Variants in ANO8 observed in about 807,000 individuals in gnomAD.
ANO8 encodes the protein anoctamin-8.
Under a neutral mutation model 120.4 loss-of-function variants are expected in ANO8, and 67 were observed. That is an observed-to-expected ratio of 0.56 (90% confidence interval 0.46 to 0.68). ANO8 has a LOEUF of 0.68. Among genes scored for constraint, ANO8 ranks in the 30% least tolerant of loss-of-function variants. The probability of loss-of-function intolerance (pLI) is 0.00; values close to 1 mark genes in which losing one functional copy is unlikely to be tolerated. For synonymous variants in ANO8, 727 were observed against 759.2 expected (o/e 0.96, Z 0.70); for missense variants, 1,526 against 1,737.6 (o/e 0.88, Z 2.16).
Position 17,333,214 on chromosome 19 carries a change from C to G in ANO8, c.376G>C (p.Gly126Arg), listed in dbSNP as rs776794230. ...TCGGCCTTCACTGCTTTGCGCAGAC[C>G]CAGCTCGTCGGCCCCTCGGAGTAGG... ...ESLLRGADEL[G>R]LRKAVKAEFG... Residue 126 changes from glycine (G) to arginine (R), a missense_variant, in exon 4 of 18, where the codon GGT becomes CGT. Gly to Arg is a moderately radical substitution (Grantham distance 125, BLOSUM62 -2). Coordinates refer to ENST00000159087, the MANE Select transcript of ANO8 (RefSeq NM_020959.3). This position sits in a 1 kb window ranked among gnomAD's most constrained non-coding sequence, Gnocchi z 7.2. The G allele has an allele frequency of 6.2e-7, 1 of 1,610,452 alleles. No individual in the cohort carries two copies. The highest frequency in any genetic ancestry group is 8.5e-7 in the Non-Finnish European group (1 of 1,178,190).
At chr19:17,324,069 G>GC (rs141177603) in intron 17 of ANO8, among the ~76,000 whole-genome samples, 185 bp from the exon 18 acceptor site, 152,256 of 152,272 alleles carry the variant, frequency 1, 76,120 homozygotes, top group Middle Eastern at 1. Flanking sequence ...TCTGGGCACG[G>GC]CCCTGCCGGT....
At position 17,328,838 on chromosome 19, in the gene ANO8, C is replaced by T; in HGVS notation, c.1550G>A (p.Ser517Asn). 2.0e-6 allele frequency: 3 copies of T among 1,472,642 alleles called. No homozygotes were observed. The highest frequency in any genetic ancestry group is 2.7e-6 in the Non-Finnish European group (3 of 1,117,144). 91.2% of individuals were successfully genotyped at this position (1,472,642 alleles called of 1,614,324 possible). A position where few individuals can be genotyped will look rare whatever the true frequency, so the allele number is the denominator to read the frequency against. Residue 517 changes from serine to asparagine, a missense_variant, in exon 13 of 18, where the codon AGC becomes AAC. Physicochemically the swap from Ser to Asn is conservative, Grantham distance 46 (BLOSUM62 1). Around this residue, in one of 8 missense-constraint regions of ANO8, gnomAD observed 467 missense variants for 425.8 expected, o/e 1.10. Transcript: ENST00000159087. Reference sequence around the variant, plus strand: ...GCGGCGGGGCGCAGGGCGCCGGAGGCTCAGGAGGCCAAGCAGGGCTCGGGC... The same window carrying T: ...GCGGCGGGGCGCAGGGCGCCGGAGGTTCAGGAGGCCAAGCAGGGCTCGGGC... ...ELARALLGLL[S>N]LRRPAPRRLE...
chr19:17,330,794 G>T, intron 8 of ANO8, 34 bp downstream of exon 8: 3 of 1,594,746 alleles, frequency 1.9e-6, no homozygotes, highest in Non-Finnish European at 8.5e-7. Flanking sequence ...CCTTTGTCCT[G>T]TCTCCATGAC....
intron 12 of ANO8, 119 bp downstream of exon 12, chr19:17,329,637 AG>A: frequency 1.4e-6 from 1 of 717,174 alleles, no homozygotes; most frequent in East Asian, 2.7e-5. Context: ...GACAGACAGG[AG>A]AGAAGGATGG....
In ANO8 at chr19:17,334,574, C is replaced by A; in HGVS notation, c.97G>T (p.Gly33Ter). Residue 33 changes from glycine (G) to a stop codon, truncating the protein, a stop_gained, in exon 1 of 18, where the codon GGA becomes TGA. Transcript: ENST00000159087. LOFTEE classifies it high-confidence loss of function. ...PEGEPAAPAS[G>*]VLDKLFGKRL... is the part of the protein sequence containing the mutation. ...GCCGCCGCACACATACCCAGAACTC[C>A]GGACGCCGGGGCTGCAGGCTCGCCC... 1 of 1,553,024 alleles carries A rather than the reference C, an allele frequency of 6.4e-7. No individual in the cohort carries two copies. The highest frequency in any genetic ancestry group is 8.6e-7 in the Non-Finnish European group (1 of 1,157,446).
rs1690905248 is a variant in ANO8 at position 17,328,436 on chromosome 19, G to A, written c.1952C>T (p.Pro651Leu). 1.9e-6 allele frequency: 3 copies of A among 1,565,100 alleles called. No individual in the cohort carries two copies. Among genetic ancestry groups the A allele is most frequent in the Non-Finnish European group, 2.6e-6 (3 of 1,160,474 alleles). Reference protein sequence around the residue: ...SPTMVEKGLEPGVFTLAEEDD... With the variant: ...SPTMVEKGLELGVFTLAEEDD... ...CTCCTCGGCCAGGGTGAACACTCCC[G>A]GCTCCAGCCCCTTCTCCACCATAGT... Residue 651 changes from proline (P) to leucine (L), a missense_variant, in exon 13 of 18, where the codon CCG becomes CTG. By Grantham distance (98) the Pro-to-Leu change is moderately conservative (BLOSUM62 -3). Transcript: ENST00000159087.
chr19:17,323,406 G>T lies in ANO8; in HGVS notation c.*111C>A. ...AGGAAAACGGCAGATGGGGGGCACCGACCAATACTGGGGGCCCTCGGGGGC... is the reference window on the plus strand; with the variant it reads ...AGGAAAACGGCAGATGGGGGGCACCTACCAATACTGGGGGCCCTCGGGGGC... On this transcript the variant is annotated 3_prime_UTR_variant, in exon 18 of 18. Coordinates refer to ENST00000159087, the MANE Select transcript of ANO8 (RefSeq NM_020959.3). 8.8e-7 allele frequency: 1 copy of T among 1,142,522 alleles called. No homozygotes were observed. The highest frequency in any genetic ancestry group is 1.1e-6 in the Non-Finnish European group (1 of 889,126). 70.8% of individuals were successfully genotyped at this position (1,142,522 alleles called of 1,614,324 possible). A position where few individuals can be genotyped will look rare whatever the true frequency, so the allele number is the denominator to read the frequency against.
At position 17,333,065 on chromosome 19, in the gene ANO8, C is replaced by A. The variant is rs1199187873; in HGVS notation, c.489+36G>T. ...GGCGTGAGCTCAGGGAACTCATAGGCACAGGATGCATGCGGGGGCCCAGAG... is the reference window on the plus strand; with the variant it reads ...GGCGTGAGCTCAGGGAACTCATAGGAACAGGATGCATGCGGGGGCCCAGAG... On this transcript the variant is annotated intron_variant, in intron 4 of 17. Coordinates refer to ENST00000159087, the MANE Select transcript of ANO8 (RefSeq NM_020959.3). This position sits in a 1 kb window ranked among gnomAD's most constrained non-coding sequence, Gnocchi z 7.2. 4.3e-6 allele frequency: 7 copies of A among 1,613,838 alleles called. No homozygotes were observed. The highest frequency in any genetic ancestry group is 1.7e-5 in the Admixed American group (1 of 60,006).
intron 12 of ANO8, 120 bp from the exon 13 acceptor site, chr19:17,329,103 G>T (rs1446557918): frequency 1.6e-5 from 12 of 760,938 alleles, no homozygotes; most frequent in Admixed American, 4.0e-5. Flanking sequence ...CGCCGAATCC[G>T]GTTCCTAACT....
Position 17,331,298 on chromosome 19 carries a change from G to A in ANO8, c.700C>T (p.Leu234=), listed in dbSNP as rs926458863. ...WVQAVCENQP[L]DDICDYFGVK... is the part of the protein sequence containing the mutation. ...CACCCCCCAGCCCAGGCAGCACCTA[G>A]AGGCTGGTTTTCACACACGGCCTGC... The change falls in exon 6 of 18, where the codon CTA becomes TTA. Residue 234 remains leucine (L), a synonymous_variant. Coordinates refer to ENST00000159087, the MANE Select transcript of ANO8 (RefSeq NM_020959.3). The A allele has an allele frequency of 1.4e-5, 22 of 1,614,034 alleles. No individual in the cohort carries two copies. The highest frequency in any genetic ancestry group is 1.9e-5 in the Non-Finnish European group (22 of 1,180,038).
At position 17,329,204 on chromosome 19, in the gene ANO8, G is replaced by A. The variant is rs775852313; in HGVS notation, c.1405-221C>T. 52 of 471,978 alleles carry A rather than the reference G, an allele frequency of 1.1e-4. No homozygotes were observed. In the East Asian group the frequency reaches 1.8e-3, roughly 16 times the overall value. The allele number at this position is 471,978 out of a possible 1,614,324, so 29.2% of individuals were successfully genotyped here. On this transcript the variant is annotated intron_variant, in intron 12 of 17. Coordinates refer to ENST00000159087, the MANE Select transcript of ANO8 (RefSeq NM_020959.3). ...GCGCAGCGCTCCTCGCCCACCTCAC[G>A]GGCAGGCCCAGCGCGTCTCCACCCC... is the stretch of plus-strand genomic sequence containing the variant.
In ANO8 at chr19:17,334,694, G is replaced by A; in HGVS notation, c.-24C>T. ...ATGGCGAGGACAGGTCAGGTCAGGG[G>A]CTACGGACGGCCCGGGCGACGGGGA... On this transcript the variant is annotated 5_prime_UTR_variant, in exon 1 of 18. Coordinates refer to ENST00000159087, the MANE Select transcript of ANO8 (RefSeq NM_020959.3). The A allele has an allele frequency of 7.3e-7, 1 of 1,362,280 alleles. No homozygotes were observed. Among genetic ancestry groups the A allele is most frequent in the Non-Finnish European group, 9.4e-7 (1 of 1,063,452 alleles). 84.4% of individuals were successfully genotyped at this position (1,362,280 alleles called of 1,614,324 possible).
At position 17,325,343 on chromosome 19, in the gene ANO8, CGCT is replaced by C. The variant is rs778629282; in HGVS notation, c.2702_2704del (p.Gln901del). ...TCGCTCCTCCTCCTCCCGCCGCCTG[CGCT>C]GCTGCTGCTGGTAGCGATGCTGGGC... On this transcript the variant is annotated inframe_deletion, in exon 17 of 18. Transcript: ENST00000159087. 3.7e-6 allele frequency: 6 copies of C among 1,600,366 alleles called. No homozygotes were observed. Among genetic ancestry groups the C allele is most frequent in the Non-Finnish European group, 2.5e-6 (3 of 1,178,212 alleles).
chr19:17,328,921 C>T lies in ANO8; in HGVS notation c.1467G>A (p.Pro489=). 1 of 1,512,476 alleles carries T rather than the reference C, an allele frequency of 6.6e-7. No homozygotes were observed. The highest frequency in any genetic ancestry group is 1.2e-5 in the South Asian group (1 of 81,112). 93.7% of individuals were successfully genotyped at this position (1,512,476 alleles called of 1,614,324 possible). ...CGCGGCCCAGGCGCCGGTACAGGTG[C>T]GGCTGCAGGACCTCGCGCACGTTCT... is the stretch of plus-strand genomic sequence containing the variant. ...FLQNVREVLQ[P]HLYRRLGRGE... The change falls in exon 13 of 18, where the codon CCG becomes CCA. Residue 489 remains proline, a synonymous_variant. Transcript: ENST00000159087.
At position 17,328,188 on chromosome 19, in the gene ANO8, G is replaced by A. The variant is rs560940837; in HGVS notation, c.2200C>T (p.Leu734=). 6.3e-7 allele frequency: 1 copy of A among 1,583,216 alleles called. No individual in the cohort carries two copies. Among genetic ancestry groups the A allele is most frequent in the Non-Finnish European group, 8.6e-7 (1 of 1,158,552 alleles). Residue 734 remains leucine (L), a synonymous_variant, in exon 13 of 18, where the codon CTG becomes TTG. Transcript: ENST00000159087. The part of the protein sequence containing the change: ...EHSPQLTQAE[L]ESCMKKYEDT... ...TCGTACTTCTTCATACAGCTCTCCAGCTCTGCCTGGGTGAGCTGGGGCGAG... is the reference window on the plus strand; with the variant it reads ...TCGTACTTCTTCATACAGCTCTCCAACTCTGCCTGGGTGAGCTGGGGCGAG...
rs2074348591 is a variant in ANO8, at chr19:17,334,628, C to T, written c.43G>A (p.Gly15Ser). 2.0e-6 allele frequency: 3 copies of T among 1,509,746 alleles called. No homozygotes were observed. Among genetic ancestry groups the T allele is most frequent in the Middle Eastern group, 2.1e-4 (1 of 4,698 alleles). 93.5% of individuals were successfully genotyped at this position (1,509,746 alleles called of 1,614,324 possible). Reference protein sequence around the residue: ...ASGAGGTSLEGERGKRPPPEG... With the variant: ...ASGAGGTSLESERGKRPPPEG... ...GGCGGGGGCCTCTTGCCACGCTCGC[C>T]CTCCAGGGACGTGCCCCCGGCGCCG... is the stretch of plus-strand genomic sequence containing the variant. The change falls in exon 1 of 18, where the codon GGC (glycine) becomes AGC (serine). Residue 15 changes from glycine to serine, a missense_variant. Transcript: ENST00000159087.
Position 17,330,968 on chromosome 19 carries a change from C to A in ANO8, c.853G>T (p.Val285Leu), listed in dbSNP as rs757084785. The A allele has an allele frequency of 6.2e-7, 1 of 1,614,080 alleles. No individual in the cohort carries two copies. The highest frequency in any genetic ancestry group is 8.5e-7 in the Non-Finnish European group (1 of 1,180,048). ...ATCACGTTGAAGAGGGCAAAGACCA[C>A]GCAGGAAACATCCCGGCTTGTCTGT... ...ADQTSRDVSCVVFALFNVIWS... is the reference protein window; with the variant it reads ...ADQTSRDVSCLVFALFNVIWS... The change falls in exon 8 of 18, where the codon GTG becomes TTG. Residue 285 changes from valine to leucine, a missense_variant. By Grantham distance (32) the Val-to-Leu change is conservative. Around this residue, in one of 8 missense-constraint regions of ANO8, gnomAD observed 322 missense variants for 431.8 expected, o/e 0.75. Coordinates refer to ENST00000159087, the MANE Select transcript of ANO8 (RefSeq NM_020959.3).
chr19:17,332,974 C>T lies in ANO8; in HGVS notation c.542G>A (p.Gly181Glu), dbSNP rs767167545. Residue 181 changes from glycine (G) to glutamate (E), a missense_variant, in exon 5 of 18, where the codon GGA (glycine) becomes GAA (glutamate). Physicochemically the swap from Gly to Glu is moderately conservative, Grantham distance 98. Transcript: ENST00000159087. ...GAAGCGCACGTTGTGGAGTGCTTCTCCCTGCTTGGCACGCAAATTCTGCAG... is the reference window on the plus strand; with the variant it reads ...GAAGCGCACGTTGTGGAGTGCTTCTTCCTGCTTGGCACGCAAATTCTGCAG... ...FWLQNLRAKQ[G>E]EALHNVRFLE... 1.1e-5 allele frequency: 18 copies of T among 1,614,052 alleles called. No homozygotes were observed. The highest frequency in any genetic ancestry group is 1.4e-5 in the Non-Finnish European group (16 of 1,180,056).
At position 17,327,875 on chromosome 19, in the gene ANO8, C is replaced by T; in HGVS notation, c.2232G>A (p.Thr744=). The stretch of plus-strand genomic sequence containing the variant: ...CGAACATCTCCTGGTAGTCCTGGAA[C>T]GTGTCCTGCGAGTGGGCGGGCCTCA... ...LESCMKKYED[T]FQDYQEMFVQ... Residue 744 remains threonine, a synonymous_variant, in exon 14 of 18, where the codon ACG becomes ACA. Transcript: ENST00000159087. 1.2e-6 allele frequency: 2 copies of T among 1,612,994 alleles called. No individual in the cohort carries two copies. Among genetic ancestry groups the T allele is most frequent in the Non-Finnish European group, 1.7e-6 (2 of 1,179,230 alleles).
Sources: gnomAD v4.1 joint callset for allele counts (sites outside exome capture counted in the v4.1 genomes callset) on GRCh38, gnomAD v4.1.1 for gene constraint, gnomAD v4.1.1 regional missense constraint, Gnocchi (gnomAD v3.1) non-coding constraint, MANE v1.5 for transcripts, NCBI Gene and HGNC (gene_info 2026-07-23, HGNC 2026-07-21) for gene names.